Variants in ZNF69 observed in about 807,000 individuals in gnomAD.
ZNF69 encodes zinc finger protein 69.
In ZNF69, 47 loss-of-function variants were observed where a neutral mutation model predicts 50.9. The observed-to-expected ratio is 0.92, with a 90% confidence interval of 0.73 to 1.18. The LOEUF is 1.18. Ranked by LOEUF, ZNF69 falls within the 50% of genes most tolerant of loss-of-function variation. The pLI is 0.00. For missense variants in ZNF69, 717 were observed against 675.1 expected (o/e 1.06, Z -0.69); for synonymous variants, 216 against 223.1 (o/e 0.97, Z 0.29).
chr19:11,910,591 A>C (rs1256581584), downstream of ZNF69, among the ~76,000 whole-genome samples: 3 of 152,224 alleles, frequency 2.0e-5, no homozygotes, highest in Admixed American at 2.0e-4. Flanking sequence ...TATTTAATAA[A>C]TGGTGCTGGG....
chr19:11,954,429 G>T, the ZNF69 span, among the ~76,000 whole-genome samples: 2 of 152,160 alleles, frequency 1.3e-5, no homozygotes, highest in East Asian at 1.9e-4. Flanking sequence ...TGTTGCTTGG[G>T]TTGCTCTCTA....
chr19:11,891,182 T>C (rs1977076745), intron 1 of ZNF69, among the ~76,000 whole-genome samples: 1 of 151,878 alleles, frequency 6.6e-6, no homozygotes, highest in African/African-American at 2.4e-5. Context: ...TCTAAGCACA[T>C]TGGGAGGCCG....
the ZNF69 span, among the ~76,000 whole-genome samples, chr19:11,943,507 A>T: frequency 6.6e-6 from 1 of 151,696 alleles, no homozygotes; most frequent in South Asian, 2.1e-4. Flanking sequence ...TGTTTTAGCT[A>T]TTTTTTTTAC....
the ZNF69 span, among the ~76,000 whole-genome samples, chr19:11,921,375 C>T: frequency 7.9e-5 from 12 of 151,940 alleles, no homozygotes; most frequent in South Asian, 1.5e-3. Context: ...CACTATATTG[C>T]CCAGGCTGTT....
At chr19:11,970,310 A>G in the ZNF69 span, among the ~76,000 whole-genome samples, 1 of 152,254 alleles carries the variant, frequency 6.6e-6, no homozygotes, top group African/African-American at 2.4e-5. Flanking sequence ...GGAGGTGGTC[A>G]CCAGAATGCA....
chr19:11,978,897 A>G, the ZNF69 span: 1 of 1,614,202 alleles, frequency 6.2e-7, no homozygotes. Context: ...CCGTAGTTAC[A>G]GATCCTATCT....
chr19:11,937,913 G>A, the ZNF69 span, among the ~76,000 whole-genome samples: 3 of 152,090 alleles, frequency 2.0e-5, no homozygotes, highest in Admixed American at 2.0e-4. Context: ...GCAATTTTTT[G>A]AATTGCAGAT....
At chr19:11,946,088 C>G in the ZNF69 span, among the ~76,000 whole-genome samples, 1 of 152,312 alleles carries the variant, frequency 6.6e-6, no homozygotes, top group South Asian at 2.1e-4. Context: ...GCACCTGAGC[C>G]TGGTCCCCCT....
At chr19:11,915,107 G>C (rs1972510194), downstream of ZNF69, among the ~76,000 whole-genome samples, 1 of 152,176 alleles carries the variant, frequency 6.6e-6, no homozygotes. Flanking sequence ...AGGATGCTGA[G>C]GCAGGAGAAT....
At chr19:11,979,780 T>C in the ZNF69 span, 1 of 1,582,100 alleles carries the variant, frequency 6.3e-7, no homozygotes. Flanking sequence ...GAACTCACAC[T>C]GGAGAGAAAC....
At chr19:11,935,470 G>GATCC in the ZNF69 span, among the ~76,000 whole-genome samples, 1 of 151,948 alleles carries the variant, frequency 6.6e-6, no homozygotes, top group Non-Finnish European at 1.5e-5. Context: ...TGACCTCGAT[G>GATCC]ATCCACCCAC....
At chr19:11,937,079 A>C in the ZNF69 span, among the ~76,000 whole-genome samples, 1 of 151,794 alleles carries the variant, frequency 6.6e-6, no homozygotes, top group Non-Finnish European at 1.5e-5. Context: ...TGACAGTTTT[A>C]CTTTGAAGTC....
chr19:11,952,256 C>G, the ZNF69 span, among the ~76,000 whole-genome samples: 1 of 152,154 alleles, frequency 6.6e-6, no homozygotes, highest in African/African-American at 2.4e-5. Context: ...TACTTATTCT[C>G]TAAAGACTAA....
intron 1 of ZNF69, among the ~76,000 whole-genome samples, chr19:11,888,295 C>A (rs971656670): frequency 1.3e-5 from 2 of 152,226 alleles, no homozygotes; most frequent in African/African-American, 2.4e-5. Flanking sequence ...TGTGGGTGAT[C>A]CCGACTCGGG....
chr19:11,976,525 C>A, the ZNF69 span, among the ~76,000 whole-genome samples: 1 of 143,828 alleles, frequency 7.0e-6, no homozygotes. Context: ...CACTGCACTC[C>A]AGCCTGGGCA....
the ZNF69 span, among the ~76,000 whole-genome samples, chr19:11,933,468 T>C: frequency 4.7e-5 from 7 of 148,042 alleles, no homozygotes; most frequent in African/African-American, 1.1e-4. Flanking sequence ...CACAGTCTTA[T>C]ACAGAAGCGT....
the ZNF69 span, among the ~76,000 whole-genome samples, chr19:11,919,920 G>C: frequency 6.6e-6 from 1 of 152,048 alleles, no homozygotes; most frequent in Admixed American, 6.6e-5. Context: ...GTCATCCCAA[G>C]AGTCCTCACA....
the ZNF69 span, among the ~76,000 whole-genome samples, chr19:11,929,277 C>T: frequency 6.7e-6 from 1 of 148,340 alleles, no homozygotes; most frequent in Non-Finnish European, 1.5e-5. Flanking sequence ...AATTCTCCTG[C>T]CTCAGCCTCC....
downstream of ZNF69, among the ~76,000 whole-genome samples, chr19:11,907,905 A>C (rs1972403203): frequency 6.6e-5 from 10 of 152,240 alleles, no homozygotes; most frequent in Admixed American, 6.5e-4. Context: ...AAGACCCATC[A>C]GTGTGCTGTA....
Sources: allele counts gnomAD v4.1 joint callset (sites outside exome capture counted in the v4.1 genomes callset), GRCh38; gene constraint gnomAD v4.1.1; transcripts MANE v1.5; gene names NCBI Gene and HGNC (gene_info 2026-07-23, HGNC 2026-07-21).